PDE8B: variants seen among roughly 807,000 people sequenced by gnomAD.
PDE8B encodes high affinity cAMP-specific and IBMX-insensitive 3',5'-cyclic phosphodiesterase 8B.
PDE8B carries 26 observed loss-of-function variants against 101.3 expected under a neutral mutation model. The ratio of observed to expected loss-of-function variants is 0.26; its 90% confidence interval spans 0.19 to 0.36. The LOEUF (loss-of-function observed/expected upper bound fraction) is 0.36. Ranked by LOEUF, PDE8B falls within the 10% of genes least tolerant of loss-of-function variation. The pLI, the probability that PDE8B is intolerant of heterozygous loss-of-function variation, is 1.00. For synonymous variants in PDE8B, 424 were observed against 429.3 expected (o/e 0.99, Z 0.15); for missense variants, 810 against 1,163.1 (o/e 0.70, Z 4.42).
intron 2 of PDE8B, among the ~76,000 whole-genome samples, chr5:77,323,394 T>C (rs1775447457): frequency 6.6e-6 from 1 of 152,232 alleles, no homozygotes. Context: ...CAGATATTTA[T>C]TGATATTAAG....
chr5:77,162,558 A>C, the PDE8B span, among the ~76,000 whole-genome samples: 2 of 152,220 alleles, frequency 1.3e-5, no homozygotes, highest in Non-Finnish European at 2.9e-5. Flanking sequence ...ATGTGGTACT[A>C]GGGAAAAAAT....
intron 5 of PDE8B, among the ~76,000 whole-genome samples, chr5:77,332,431 A>C (rs1777313966): frequency 6.6e-6 from 1 of 152,220 alleles, no homozygotes; most frequent in African/African-American, 2.4e-5. Flanking sequence ...TATAAACATC[A>C]TGAATAACAC....
intron 1 of PDE8B, among the ~76,000 whole-genome samples, chr5:77,246,294 G>A (rs569254064): frequency 2.3e-4 from 35 of 152,290 alleles, no homozygotes; most frequent in Non-Finnish European, 3.5e-4. Context: ...GCTTGTGGGC[G>A]TGGGGGGTTC....
the PDE8B span, chr5:77,139,716 A>G: frequency 2.0e-4 from 31 of 152,138 alleles, no homozygotes; most frequent in African/African-American, 7.2e-4. Flanking sequence ...TTTCTATTCA[A>G]CCATTAAATA....
chr5:77,283,321 T>C (rs1765387704), intron 1 of PDE8B, among the ~76,000 whole-genome samples: 1 of 152,150 alleles, frequency 6.6e-6, no homozygotes, highest in Non-Finnish European at 1.5e-5. Context: ...TTGTTACAAT[T>C]GATGAGCCAA....
At chr5:77,254,442 G>A (rs1234264211) in intron 1 of PDE8B, among the ~76,000 whole-genome samples, 1 of 151,990 alleles carries the variant, frequency 6.6e-6, no homozygotes, top group Non-Finnish European at 1.5e-5. Context: ...TTTCTTTTAA[G>A]ATTCCCATCT....
chr5:77,427,526 T>C lies in PDE8B; in HGVS notation c.*972T>C, dbSNP rs531772917. The C allele has an allele frequency of 6.6e-6, 1 of 152,084 alleles. No homozygotes were observed. Among genetic ancestry groups the C allele is most frequent in the Admixed American group, 6.6e-5 (1 of 15,256 alleles). 9.4% of individuals were successfully genotyped at this position (152,084 alleles called of 1,614,324 possible). On this transcript the variant is annotated 3_prime_UTR_variant, in exon 22 of 22. Coordinates refer to ENST00000264917, the MANE Select transcript of PDE8B (RefSeq NM_003719.5). ...CTATACGTAATATTTTGGGAGGGGA[T>C]AGGGGAAGTTTCAAGGTTCAGATAT...
chr5:77,290,200 G>A lies in PDE8B; in HGVS notation c.340-21794G>A, dbSNP rs529399910. On this transcript the variant is annotated intron_variant, in intron 1 of 21. Transcript: ENST00000264917. ...AAACCATTGATGTGGCGCCTGCCTC[G>A]CGCACTGTGTGTGCACGCTGCAAAG... 18 of 1,533,508 alleles carry A rather than the reference G, an allele frequency of 1.2e-5. No individual in the cohort carries two copies. The African/African-American group carries it at 1.4e-4, about 12-fold the overall frequency. 95.0% of individuals were successfully genotyped at this position (1,533,508 alleles called of 1,614,324 possible).
chr5:77,147,142 TG>T, the PDE8B span: 1 of 19,822 alleles, frequency 5.0e-5, no homozygotes, highest in Non-Finnish European at 8.4e-5. Flanking sequence ...AAGATGAAGA[TG>T]ATGATGATGA....
the PDE8B span, among the ~76,000 whole-genome samples, chr5:77,094,234 C>A: frequency 6.6e-6 from 1 of 152,170 alleles, no homozygotes; most frequent in South Asian, 2.1e-4. Flanking sequence ...GCCATCTAGT[C>A]CATTCCCAGC....
intron 10 of PDE8B, among the ~76,000 whole-genome samples, chr5:77,381,729 T>A (rs1787504056): frequency 6.6e-6 from 1 of 152,200 alleles, no homozygotes; most frequent in Non-Finnish European, 1.5e-5. Flanking sequence ...CAAATGAATT[T>A]AAATTCTATA....
intron 5 of PDE8B, 37 bp from the exon 6 acceptor site, chr5:77,337,189 TA>T: frequency 9.0e-7 from 1 of 1,108,064 alleles, no homozygotes; most frequent in Non-Finnish European, 1.4e-6. Context: ...AAGAAGTAAT[TA>T]TATATGTCTT....
At chr5:77,247,697 AG>A (rs1378356000) in intron 1 of PDE8B, among the ~76,000 whole-genome samples, 12 of 152,118 alleles carry the variant, frequency 7.9e-5, no homozygotes, top group Non-Finnish European at 1.5e-5. Context: ...CAGTCAGCAA[AG>A]TCTCCCTCCT....
At chr5:77,172,883 G>GCCATTCACCCCTCCACCAT in the PDE8B span, among the ~76,000 whole-genome samples, 1 of 152,150 alleles carries the variant, frequency 6.6e-6, no homozygotes, top group Non-Finnish European at 1.5e-5. Flanking sequence ...CCCTCCACCA[G>GCCATTCACCCCTCCACCAT]CCATTCACCC....
chr5:77,415,688 AAGCATGCCCAACCCAGCTGTAGAGCT>A (rs1795394147), intron 17 of PDE8B, among the ~76,000 whole-genome samples: 1 of 152,146 alleles, frequency 6.6e-6, no homozygotes, highest in Non-Finnish European at 1.5e-5. Flanking sequence ...CACTATGACA[AAGCATGCCCAACCCAGCTGTAGAGCT>A]AGCATGCCCA....
chr5:77,383,502 G>A (rs561718232), intron 10 of PDE8B, among the ~76,000 whole-genome samples: 6 of 152,116 alleles, frequency 3.9e-5, no homozygotes, highest in Non-Finnish European at 1.5e-5. Context: ...CTTTCGACTA[G>A]TCTGACTTCA....
At chr5:77,135,778 ATT>A in the PDE8B span, among the ~76,000 whole-genome samples, 1 of 146,002 alleles carries the variant, frequency 6.8e-6, no homozygotes, top group South Asian at 2.2e-4. Flanking sequence ...CCTGGCTGGA[ATT>A]TTTTTTTTTT....
intron 1 of PDE8B, among the ~76,000 whole-genome samples, chr5:77,308,960 C>T (rs1177157146): frequency 1.3e-5 from 2 of 152,026 alleles, no homozygotes; most frequent in Non-Finnish European, 2.9e-5. Flanking sequence ...GGGCAGATCA[C>T]CCGAGGTCAG....
chr5:77,089,046 A>C, the PDE8B span, among the ~76,000 whole-genome samples: 4 of 152,178 alleles, frequency 2.6e-5, no homozygotes, highest in African/African-American at 7.2e-5. Flanking sequence ...GGGTATCTTC[A>C]AAGGCAGAGG....
Sources: gnomAD v4.1 joint callset for allele counts (sites outside exome capture counted in the v4.1 genomes callset) on GRCh38, gnomAD v4.1.1 for gene constraint, MANE v1.5 for transcripts, NCBI Gene and HGNC (gene_info 2026-07-23, HGNC 2026-07-21) for gene names.